ADARB1: variants seen among roughly 807,000 people sequenced by gnomAD.
ADARB1 encodes the protein double-stranded RNA-specific editase 1.
A neutral mutation model predicts 52.4 loss-of-function variants in ADARB1; 10 were observed. That is an observed-to-expected ratio of 0.19 (90% CI 0.12 to 0.32). The LOEUF (loss-of-function observed/expected upper bound fraction) is 0.32. ADARB1 is among the 10% of genes least tolerant of loss of function. The probability of loss-of-function intolerance (pLI) is 1.00; values close to 1 mark genes in which losing one functional copy is unlikely to be tolerated. For missense variants in ADARB1, 643 were observed against 922.3 expected (o/e 0.70, Z 3.92); for synonymous variants, 349 against 371.1 (o/e 0.94, Z 0.68).
intron 1 of ADARB1, among the ~76,000 whole-genome samples, chr21:45,108,427 A>G (rs928305951): frequency 1.3e-5 from 2 of 152,236 alleles, no homozygotes; most frequent in Admixed American, 6.5e-5. Context: ...TTAAAAGAGC[A>G]TTAAAGTTTA....
intron 2 of ADARB1, chr21:45,144,552 G>A (rs573595686): frequency 1.9e-4 from 75 of 404,676 alleles, no homozygotes; most frequent in Non-Finnish European, 3.1e-4. Flanking sequence ...ACAGTAAATC[G>A]TTGCTATTCT....
chr21:45,206,563 T>TAA, intron 9 of ADARB1, among the ~76,000 whole-genome samples: 1 of 52,514 alleles, frequency 1.9e-5, no homozygotes, highest in Non-Finnish European at 3.5e-5. Context: ...CTCTGGTCTT[T>TAA]TTTTTTTTTT....
rs942036799 is a variant in ADARB1, at chr21:45,220,678, C to T, written c.1748-158C>T. Among the ~76,000 whole-genome samples the T allele has an allele frequency of 5.3e-5, 8 of 152,256 alleles. No homozygotes were observed. The highest frequency in any genetic ancestry group is 1.7e-4 in the African/African-American group (7 of 41,462). ...GAAGAGTGTGAGGCCACTGCCACGG[C>T]AGATGCACGCTCAAGTCTGCGTATA... On this transcript the variant is annotated intron_variant, in intron 9 of 10. Transcript: ENST00000348831. This position sits in a 1 kb window ranked among gnomAD's most constrained non-coding sequence, Gnocchi z 6.3.
intron 2 of ADARB1, among the ~76,000 whole-genome samples, chr21:45,162,911 T>C (rs1192229857): frequency 1.3e-5 from 2 of 152,104 alleles, no homozygotes; most frequent in Non-Finnish European, 2.9e-5. Flanking sequence ...CAGATGTGAA[T>C]CTTAACTCAC....
chr21:45,169,543 C>G (rs1456497120), intron 2 of ADARB1, among the ~76,000 whole-genome samples: 1 of 152,090 alleles, frequency 6.6e-6, no homozygotes, highest in African/African-American at 2.4e-5. Flanking sequence ...TCCTGAGGCC[C>G]CCTGGCTTGT....
intron 8 of ADARB1, among the ~76,000 whole-genome samples, chr21:45,186,348 C>T (rs1022757381): frequency 1.3e-5 from 2 of 152,220 alleles, no homozygotes; most frequent in African/African-American, 4.8e-5. Flanking sequence ...CATATTTCTT[C>T]TAACTCCCTT....
chr21:45,215,976 C>T (rs1253479412), intron 9 of ADARB1, among the ~76,000 whole-genome samples: 1 of 152,122 alleles, frequency 6.6e-6, no homozygotes, highest in Non-Finnish European at 1.5e-5. Flanking sequence ...AAAATTCTAA[C>T]TACAATTTAT....
chr21:45,176,583 C>T lies in ADARB1; in HGVS notation c.882C>T (p.Ala294=), dbSNP rs140656510. Residue 294 remains alanine, a synonymous_variant, in exon 4 of 11, where the codon GCC becomes GCT. Transcript: ENST00000348831. The surrounding 1 kb of genome is among the most constrained non-coding windows in gnomAD (Gnocchi z 5.8). ...AKARAAQSAL[A]AIFNLHLDQT... Reference sequence around the variant, plus strand: ...CCCGGGCTGCGCAGTCTGCCCTGGCCGCCATTTTTAACTTGCACTTGGATC... The same window carrying T: ...CCCGGGCTGCGCAGTCTGCCCTGGCTGCCATTTTTAACTTGCACTTGGATC... The T allele has an allele frequency of 5.1e-4, 819 of 1,614,168 alleles. 2 individuals carry two copies. The African/African-American group carries it at 7.5e-3, about 15-fold the overall frequency.
intron 1 of ADARB1, among the ~76,000 whole-genome samples, chr21:45,126,910 A>C (rs1174967611): frequency 6.6e-6 from 1 of 152,186 alleles, no homozygotes; most frequent in Non-Finnish European, 1.5e-5. Flanking sequence ...CCAGGCTTGC[A>C]GAGTTGGTGG....
At position 45,200,942 on chromosome 21, in the gene ADARB1, T is replaced by C. The variant is rs1400667788; in HGVS notation, c.1566-3613T>C. On this transcript the variant is annotated intron_variant, in intron 8 of 10. Coordinates refer to ENST00000348831, the MANE Select transcript of ADARB1 (RefSeq NM_001112.4). The surrounding 1 kb of genome is among the most constrained non-coding windows in gnomAD (Gnocchi z 5.0). ...AGTCTGGACTCTGTTCCTAAAGAAA[T>C]GGCACAAGGAAAATGAAAGACGAAG... 6.6e-6 allele frequency among the ~76,000 whole-genome samples: 1 copy of C among 152,070 alleles called. No homozygotes were observed.
intron 2 of ADARB1, among the ~76,000 whole-genome samples, chr21:45,144,375 T>G (rs1472619811): frequency 6.6e-6 from 1 of 152,224 alleles, no homozygotes; most frequent in Non-Finnish European, 1.5e-5. Context: ...AAATGGTGTA[T>G]GGCTATTTGT....
chr21:45,182,663 G>A lies in ADARB1; in HGVS notation c.1157G>A (p.Arg386His), dbSNP rs777063481. The change falls in exon 6 of 11, where the codon CGT becomes CAT. Residue 386 changes from arginine to histidine, a missense_variant. Transcript: ENST00000348831. ...KCINGEYMSD[R>H]GLALNDCHAE... ...ATTAATGGTGAATACATGAGTGATC[G>A]TGGCCTTGCATTAAATGACTGCCAT... The A allele has an allele frequency of 6.2e-7, 1 of 1,612,194 alleles. No individual in the cohort carries two copies. Among genetic ancestry groups the A allele is most frequent in the African/African-American group, 1.3e-5 (1 of 74,748 alleles).
intron 1 of ADARB1, among the ~76,000 whole-genome samples, chr21:45,093,718 T>G (rs1435207246): frequency 6.6e-6 from 1 of 152,144 alleles, no homozygotes; most frequent in African/African-American, 2.4e-5. Context: ...GCCTCAGGAA[T>G]GTCAGGGTGA....
At chr21:45,121,689 T>C (rs1458014786) in intron 1 of ADARB1, among the ~76,000 whole-genome samples, 2 of 152,256 alleles carry the variant, frequency 1.3e-5, no homozygotes, top group East Asian at 3.8e-4. Flanking sequence ...AATATGCTGC[T>C]AAAACCTGTC....
chr21:45,103,900 G>A (rs1326322769), intron 1 of ADARB1, among the ~76,000 whole-genome samples: 1 of 152,012 alleles, frequency 6.6e-6, no homozygotes, highest in East Asian at 1.9e-4. Flanking sequence ...CCTGACTTTT[G>A]TGTAAGTGGT....
chr21:45,204,821 G>T lies in ADARB1; in HGVS notation c.1747+85G>T. ...CTCATGAATGAAAAAAACACCACCT[G>T]AGCTGCTCTGTGGCTATCAAAAGAA... On this transcript the variant is annotated intron_variant, in intron 9 of 10. Coordinates refer to ENST00000348831, the MANE Select transcript of ADARB1 (RefSeq NM_001112.4). This position sits in a 1 kb window ranked among gnomAD's most constrained non-coding sequence, Gnocchi z 4.4. 1 of 1,392,842 alleles carries T rather than the reference G, an allele frequency of 7.2e-7. No homozygotes were observed. The highest frequency in any genetic ancestry group is 2.4e-5 in the East Asian group (1 of 41,828). 86.3% of individuals were successfully genotyped at this position (1,392,842 alleles called of 1,614,324 possible). A position where few individuals can be genotyped will look rare whatever the true frequency, so the allele number is the denominator to read the frequency against.
Position 45,098,263 on chromosome 21 carries a change from C to A in ADARB1, c.-220+23470C>A, listed in dbSNP as rs538485970. On this transcript the variant is annotated intron_variant, in intron 1 of 10. Transcript: ENST00000348831. ...CCACGGCTGTGCTTGACCCGGCTCC[C>A]ATCTGTCTCCAGATCCCTTGGAGCA... Among the ~76,000 whole-genome samples the A allele has an allele frequency of 2.6e-5, 4 of 152,328 alleles. No homozygotes were observed. In the South Asian group the frequency reaches 8.3e-4, roughly 32 times the overall value.
intron 8 of ADARB1, 81 bp downstream of exon 8, chr21:45,185,172 A>G: frequency 9.9e-6 from 15 of 1,521,068 alleles, no homozygotes; most frequent in Non-Finnish European, 1.3e-5. Flanking sequence ...CTTTTCCACA[A>G]CCATTTGAAT....
chr21:45,121,591 T>C (rs1400879365), intron 1 of ADARB1, among the ~76,000 whole-genome samples: 1 of 152,200 alleles, frequency 6.6e-6, no homozygotes, highest in African/African-American at 2.4e-5. Flanking sequence ...TTTGGTACTT[T>C]CTGTCTCTCG....
Sources: gnomAD v4.1 joint callset for allele counts (sites outside exome capture counted in the v4.1 genomes callset) on GRCh38, gnomAD v4.1.1 for gene constraint, Gnocchi (gnomAD v3.1) non-coding constraint, MANE v1.5 for transcripts, NCBI Gene and HGNC (gene_info 2026-07-23, HGNC 2026-07-21) for gene names.